PLPP3: variants seen among roughly 807,000 people sequenced by gnomAD.
The protein encoded by PLPP3 is phospholipid phosphatase 3, also known as PAP2 beta.
PLPP3 carries 6 observed loss-of-function variants against 29.6 expected under a neutral mutation model. The observed-to-expected ratio is 0.20, with a 90% confidence interval of 0.11 to 0.40. The LOEUF is 0.40. PLPP3 is among the 10% of genes least tolerant of loss of function. The pLI, the probability that PLPP3 is intolerant of heterozygous loss-of-function variation, is 1.00. For synonymous variants in PLPP3, 152 were observed against 159.7 expected (o/e 0.95, Z 0.36); for missense variants, 308 against 407.7 (o/e 0.76, Z 2.11).
At position 56,576,909 on chromosome 1, in the gene PLPP3, CTT is replaced by C. The variant is rs535701292; in HGVS notation, c.139+1967_139+1968del. Among the ~76,000 whole-genome samples, 12 of 152,286 alleles carry C rather than the reference CTT, an allele frequency of 7.9e-5. No individual in the cohort carries two copies. In the South Asian group the frequency reaches 2.5e-3, roughly 32 times the overall value. ...GCTAAACTACAGCTGATGGTTGTGT[CTT>C]TTTGCAAATTCCTTTACATCTCTTT... On this transcript the variant is annotated intron_variant, in intron 1 of 5. Transcript: ENST00000371250.
At chr1:56,567,409 TTTTTTTGAGATG>T (rs1450763970) in intron 1 of PLPP3, among the ~76,000 whole-genome samples, 1 of 105,056 alleles carries the variant, frequency 9.5e-6, no homozygotes, top group Non-Finnish European at 2.2e-5. Context: ...TTTTTTTTTT[TTTTTTTGAGATG>T]GAGTCTCGCT....
At chr1:56,536,918 C>A in intron 2 of PLPP3, 37 bp downstream of exon 2, 1 of 1,607,194 alleles carries the variant, frequency 6.2e-7, no homozygotes, top group South Asian at 1.1e-5. Flanking sequence ...AGGAAGAAGT[C>A]AGACAGGATC....
At chr1:56,519,258 C>T (rs1405898044) in intron 4 of PLPP3, among the ~76,000 whole-genome samples, 6 of 152,164 alleles carry the variant, frequency 3.9e-5, no homozygotes, top group Admixed American at 2.6e-4. Flanking sequence ...GTAGTTCTTC[C>T]AGTCTCCTCT....
intron 4 of PLPP3, among the ~76,000 whole-genome samples, chr1:56,521,546 A>G (rs1317137489): frequency 6.6e-6 from 1 of 151,928 alleles, no homozygotes; most frequent in Non-Finnish European, 1.5e-5. Context: ...TGCTGAGGAG[A>G]GGATGGATTA....
intron 5 of PLPP3, among the ~76,000 whole-genome samples, chr1:56,507,301 C>CA (rs1334143373): frequency 2.0e-5 from 3 of 152,198 alleles, no homozygotes; most frequent in Non-Finnish European, 2.9e-5. Flanking sequence ...CATGGAGCTA[C>CA]AAGGCCTCCA....
Position 56,496,185 on chromosome 1 carries a change from C to T in PLPP3, c.*366G>A. 3 of 192,970 alleles carry T rather than the reference C, an allele frequency of 1.6e-5. No individual in the cohort carries two copies. In the South Asian group the frequency reaches 2.6e-4, roughly 17 times the overall value. 12.0% of individuals were successfully genotyped at this position (192,970 alleles called of 1,614,324 possible). A position where few individuals can be genotyped will look rare whatever the true frequency, so the allele number is the denominator to read the frequency against. On this transcript the variant is annotated 3_prime_UTR_variant, in exon 6 of 6. Transcript: ENST00000371250. ...TCAGTGCTATTTCTGGCATCATGTGCTGCAATGTGAATTTTTGCTTTTCTC... is the reference window on the plus strand; with the variant it reads ...TCAGTGCTATTTCTGGCATCATGTGTTGCAATGTGAATTTTTGCTTTTCTC...
In PLPP3 at chr1:56,524,898, A is replaced by T. The variant is rs2100250608; in HGVS notation, c.298-344T>A. Among the ~76,000 whole-genome samples the T allele has an allele frequency of 6.6e-6, 1 of 152,198 alleles. No individual in the cohort carries two copies. The highest frequency in any genetic ancestry group is 2.4e-5 in the African/African-American group (1 of 41,540). Reference sequence around the variant, plus strand: ...AAAAGAAATACTAAATGAAGAATCAACGACAAGGTAAAGGGTAGCTATGAT... The same window carrying T: ...AAAAGAAATACTAAATGAAGAATCATCGACAAGGTAAAGGGTAGCTATGAT... On this transcript the variant is annotated intron_variant, in intron 2 of 5. Transcript: ENST00000371250. This position sits in a 1 kb window ranked among gnomAD's most constrained non-coding sequence, Gnocchi z 4.3.
At chr1:56,554,279 A>T (rs1047839828) in intron 1 of PLPP3, among the ~76,000 whole-genome samples, 2 of 152,108 alleles carry the variant, frequency 1.3e-5, no homozygotes, top group Admixed American at 6.5e-5. Context: ...AAGTTTAGAA[A>T]TACAGTGCCA....
intron 5 of PLPP3, among the ~76,000 whole-genome samples, chr1:56,510,918 C>T (rs1645736952): frequency 6.6e-6 from 1 of 152,122 alleles, no homozygotes; most frequent in South Asian, 2.1e-4. Flanking sequence ...TACAGAGGAG[C>T]TGGGGAGAGG....
At chr1:56,572,803 T>C (rs1182739878) in intron 1 of PLPP3, among the ~76,000 whole-genome samples, 6 of 152,180 alleles carry the variant, frequency 3.9e-5, no homozygotes, top group Non-Finnish European at 2.9e-5. Context: ...TACCTGATAA[T>C]GATAACGTGA....
chr1:56,533,601 T>C (rs186438091), intron 2 of PLPP3, among the ~76,000 whole-genome samples: 1 of 151,906 alleles, frequency 6.6e-6, no homozygotes, highest in African/African-American at 2.4e-5. Flanking sequence ...CCTCCCAGGA[T>C]TACTACCAGG....
At chr1:56,568,584 A>T (rs1370811996) in intron 1 of PLPP3, among the ~76,000 whole-genome samples, 1 of 152,194 alleles carries the variant, frequency 6.6e-6, no homozygotes, top group Non-Finnish European at 1.5e-5. Flanking sequence ...ACCATAGTTC[A>T]GAGGCTCCCA....
chr1:56,510,803 A>G (rs1288197091), intron 5 of PLPP3, among the ~76,000 whole-genome samples: 1 of 152,220 alleles, frequency 6.6e-6, no homozygotes, highest in African/African-American at 2.4e-5. Context: ...CCTTGATAAG[A>G]TAGGGAGAGT....
intron 1 of PLPP3, among the ~76,000 whole-genome samples, chr1:56,564,473 T>C (rs1646149009): frequency 6.6e-6 from 1 of 152,210 alleles, no homozygotes; most frequent in South Asian, 2.1e-4. Context: ...GCAAACGTTA[T>C]CATTTGGTAG....
intron 1 of PLPP3, among the ~76,000 whole-genome samples, chr1:56,569,037 T>G (rs1646180534): frequency 6.6e-6 from 1 of 152,058 alleles, no homozygotes; most frequent in Non-Finnish European, 1.5e-5. Context: ...TTGCCTACCC[T>G]CAAATCCAGT....
intron 1 of PLPP3, among the ~76,000 whole-genome samples, chr1:56,569,362 C>T (rs539831226): frequency 1.3e-4 from 20 of 151,454 alleles, no homozygotes; most frequent in African/African-American, 1.9e-4. Context: ...TTGTTAGAGA[C>T]GGGGTTTCAC....
intron 1 of PLPP3, among the ~76,000 whole-genome samples, chr1:56,546,371 G>A (rs1646006706): frequency 6.6e-6 from 1 of 152,196 alleles, no homozygotes; most frequent in Non-Finnish European, 1.5e-5. Flanking sequence ...CCTTGCTGTA[G>A]AGAGTAAGAG....
chr1:56,520,452 T>G (rs1645810968), intron 4 of PLPP3, among the ~76,000 whole-genome samples: 1 of 152,124 alleles, frequency 6.6e-6, no homozygotes, highest in Non-Finnish European at 1.5e-5. Context: ...ACTCCAGAAC[T>G]TCCTGCAGCT....
In PLPP3 at chr1:56,495,796, A is replaced by G. The variant is rs1173848501; in HGVS notation, c.*755T>C. 6.6e-6 allele frequency: 1 copy of G among 152,660 alleles called. No homozygotes were observed. Among genetic ancestry groups the G allele is most frequent in the African/African-American group, 2.4e-5 (1 of 41,468 alleles). The allele number at this position is 152,660 out of a possible 1,614,324, so 9.5% of individuals were successfully genotyped here. A position where few individuals can be genotyped will look rare whatever the true frequency, so the allele number is the denominator to read the frequency against. On this transcript the variant is annotated 3_prime_UTR_variant, in exon 6 of 6. Transcript: ENST00000371250. Reference sequence around the variant, plus strand: ...CAAGTGCCCGGTGATTGACGTGCACAACATCAGCATCCTGCAATTGACATT... The same window carrying G: ...CAAGTGCCCGGTGATTGACGTGCACGACATCAGCATCCTGCAATTGACATT...
Sources: allele counts gnomAD v4.1 joint callset (sites outside exome capture counted in the v4.1 genomes callset), GRCh38; gene constraint gnomAD v4.1.1; non-coding constraint Gnocchi (gnomAD v3.1); transcripts MANE v1.5; gene names NCBI Gene and HGNC (gene_info 2026-07-23, HGNC 2026-07-21).